SLC25A11: variants seen among roughly 807,000 people sequenced by gnomAD.
SLC25A11 encodes solute carrier family 25 member 11, also known as mitochondrial 2-oxoglutarate/malate carrier protein.
SLC25A11 carries 11 observed loss-of-function variants against 32.7 expected under a neutral mutation model. The observed-to-expected ratio is 0.34, with a 90% confidence interval of 0.21 to 0.56. SLC25A11 has a LOEUF of 0.56. Among genes scored for constraint, SLC25A11 ranks in the 20% least tolerant of loss-of-function variants. The probability of loss-of-function intolerance (pLI) is 0.90; values close to 1 mark genes in which losing one functional copy is unlikely to be tolerated. For synonymous variants in SLC25A11, 163 were observed against 168.3 expected (o/e 0.97, Z 0.24); for missense variants, 295 against 426.3 (o/e 0.69, Z 2.71).
Position 4,939,490 on chromosome 17 carries a change from G to C in SLC25A11, c.96-278C>G, listed in dbSNP as rs1455835197. 1.7e-6 allele frequency: 1 copy of C among 576,472 alleles called. No homozygotes were observed. The highest frequency in any genetic ancestry group is 3.1e-6 in the Non-Finnish European group (1 of 325,942). 35.7% of individuals were successfully genotyped at this position (576,472 alleles called of 1,614,324 possible). A position where few individuals can be genotyped will look rare whatever the true frequency, so the allele number is the denominator to read the frequency against. On this transcript the variant is annotated intron_variant, in intron 1 of 7. Coordinates refer to ENST00000225665, the MANE Select transcript of SLC25A11 (RefSeq NM_003562.5). The surrounding 1 kb of genome is among the most constrained non-coding windows in gnomAD (Gnocchi z 4.1). Reference sequence around the variant, plus strand: ...CTGCACGCAGTCCGACACAGGGAGGGGAGGAAGGGGCATCCAAGATTTAGG... The same window carrying C: ...CTGCACGCAGTCCGACACAGGGAGGCGAGGAAGGGGCATCCAAGATTTAGG...
In SLC25A11 at chr17:4,938,527, G is replaced by A. The variant is rs749855775; in HGVS notation, c.531C>T (p.Val177=). Residue 177 remains valine (V), a synonymous_variant, in exon 4 of 8, where the codon GTC becomes GTT. Transcript: ENST00000225665. The surrounding 1 kb of genome is among the most constrained non-coding windows in gnomAD (Gnocchi z 7.6). ...ALIRITREEG[V]LTLWRGCIPT... ...CTCCACTCACCCGCCACAGTGTGAG[G>A]ACACCCTCTTCCCGGGTGATTCGAA... 8 of 1,613,918 alleles carry A rather than the reference G, an allele frequency of 5.0e-6. No homozygotes were observed. The African/African-American group carries it at 1.1e-4, about 22-fold the overall frequency.
intron 7 of SLC25A11, 21 bp from the exon 8 acceptor site, chr17:4,937,917 C>A: frequency 1.9e-6 from 3 of 1,611,936 alleles, no homozygotes; most frequent in Non-Finnish European, 2.5e-6. Context: ...ACAGGCAGGG[C>A]GCTGGGGCTA....
rs770557214 is a variant in SLC25A11, at chr17:4,937,910, G to A, written c.790-14C>T. On this transcript the variant is annotated splice_polypyrimidine_tract_variant and intron_variant, in intron 7 of 7. Transcript: ENST00000225665. The stretch of plus-strand genomic sequence containing the variant: ...GAACAGCACGTCCTAGACACAGACA[G>A]GCAGGGCGCTGGGGCTAGGACTCTA... 1 of 1,612,632 alleles carries A rather than the reference G, an allele frequency of 6.2e-7. No individual in the cohort carries two copies. The highest frequency in any genetic ancestry group is 8.5e-7 in the Non-Finnish European group (1 of 1,179,138).
Position 4,938,495 on chromosome 17 carries a change from C to A in SLC25A11, c.546+17G>T. On this transcript the variant is annotated intron_variant, in intron 4 of 7. Transcript: ENST00000225665. This position sits in a 1 kb window ranked among gnomAD's most constrained non-coding sequence, Gnocchi z 7.6. ...ACCAGACCTCACAGCCCCCAAGTCT[C>A]CAGCCCCTCCACTCACCCGCCACAG... 6.2e-7 allele frequency: 1 copy of A among 1,613,832 alleles called. No homozygotes were observed.
intron 7 of SLC25A11, 25 bp from the exon 8 acceptor site, chr17:4,937,921 G>A (rs1401388732): frequency 2.5e-6 from 4 of 1,612,452 alleles, no homozygotes; most frequent in Admixed American, 1.7e-5. Flanking sequence ...GCAGGGCGCT[G>A]GGGCTAGGAC....
rs760199122 is a variant in SLC25A11 at position 4,937,890 on chromosome 17, G to T, written c.796C>A (p.Leu266Met). 2.5e-6 allele frequency: 4 copies of T among 1,613,082 alleles called. No homozygotes were observed. Among genetic ancestry groups the T allele is most frequent in the Non-Finnish European group, 3.4e-6 (4 of 1,179,524 alleles). ...CCCTCGTAGCGGACAACTTTGAACA[G>T]CACGTCCTAGACACAGACAGGCAGG... is the stretch of plus-strand genomic sequence containing the variant. ...KPEYKNGLDV[L>M]FKVVRYEGFF... The change falls in exon 8 of 8, where the codon CTG (leucine) becomes ATG (methionine). Residue 266 changes from leucine to methionine, a missense_variant. Around this residue, in one of 3 missense-constraint regions of SLC25A11, gnomAD observed 142 missense variants for 197.8 expected, o/e 0.72. Transcript: ENST00000225665.
At position 4,938,939 on chromosome 17, in the gene SLC25A11, G is replaced by T. The variant is rs766437164; in HGVS notation, c.285C>A (p.Thr95=). ...SAGLLRQATY[T]TTRLGIYTVL... is the part of the protein sequence containing the mutation. ...CGGTATAGATGCCAAGGCGGGTAGT[G>T]GTGTAGGTGGCCTGACGCAGCAGGC... The change falls in exon 3 of 8, where the codon ACC becomes ACA. Residue 95 remains threonine (T), a synonymous_variant. Transcript: ENST00000225665. This position sits in a 1 kb window ranked among gnomAD's most constrained non-coding sequence, Gnocchi z 7.6. 49 of 1,614,154 alleles carry T rather than the reference G, an allele frequency of 3.0e-5. No individual in the cohort carries two copies. The highest frequency in any genetic ancestry group is 4.1e-5 in the Non-Finnish European group (48 of 1,180,034).
rs2151112753 is a variant in SLC25A11, at chr17:4,939,446, G to A, written c.96-234C>T. 3 of 593,378 alleles carry A rather than the reference G, an allele frequency of 5.1e-6. No homozygotes were observed. In the South Asian group the frequency reaches 6.3e-5, roughly 12 times the overall value. The allele number at this position is 593,378 out of a possible 1,614,324, so 36.8% of individuals were successfully genotyped here. A position where few individuals can be genotyped will look rare whatever the true frequency, so the allele number is the denominator to read the frequency against. On this transcript the variant is annotated intron_variant, in intron 1 of 7. Coordinates refer to ENST00000225665, the MANE Select transcript of SLC25A11 (RefSeq NM_003562.5). This position sits in a 1 kb window ranked among gnomAD's most constrained non-coding sequence, Gnocchi z 4.1. Reference sequence around the variant, plus strand: ...AAGTGCTCCAAGCAGCTTCATGACAGTCAAGCAGTGACCTGGGGCTGCACG... The same window carrying A: ...AAGTGCTCCAAGCAGCTTCATGACAATCAAGCAGTGACCTGGGGCTGCACG...
chr17:4,938,118 C>T lies in SLC25A11; in HGVS notation c.737+36G>A. On this transcript the variant is annotated intron_variant, in intron 6 of 7. Coordinates refer to ENST00000225665, the MANE Select transcript of SLC25A11 (RefSeq NM_003562.5). This position sits in a 1 kb window ranked among gnomAD's most constrained non-coding sequence, Gnocchi z 7.6. ...GGGCATGAGAGACCGAAAGGGCACC[C>T]TCCCACCCACCTCCAGGCCCAGGCT... 6.2e-7 allele frequency: 1 copy of T among 1,614,100 alleles called. No homozygotes were observed. The highest frequency in any genetic ancestry group is 1.1e-5 in the South Asian group (1 of 91,088).
chr17:4,939,451 G>T lies in SLC25A11; in HGVS notation c.96-239C>A. The T allele has an allele frequency of 1.7e-6, 1 of 590,516 alleles. No individual in the cohort carries two copies. The highest frequency in any genetic ancestry group is 3.0e-6 in the Non-Finnish European group (1 of 333,918). The allele number at this position is 590,516 out of a possible 1,614,324, so 36.6% of individuals were successfully genotyped here. A position where few individuals can be genotyped will look rare whatever the true frequency, so the allele number is the denominator to read the frequency against. The stretch of plus-strand genomic sequence containing the variant: ...CTCCAAGCAGCTTCATGACAGTCAA[G>T]CAGTGACCTGGGGCTGCACGCAGTC... On this transcript the variant is annotated intron_variant, in intron 1 of 7. Transcript: ENST00000225665. The surrounding 1 kb of genome is among the most constrained non-coding windows in gnomAD (Gnocchi z 4.1).
In SLC25A11 at chr17:4,938,688, C is replaced by T; in HGVS notation, c.455+81G>A. On this transcript the variant is annotated intron_variant, in intron 3 of 7. Coordinates refer to ENST00000225665, the MANE Select transcript of SLC25A11 (RefSeq NM_003562.5). The surrounding 1 kb of genome is among the most constrained non-coding windows in gnomAD (Gnocchi z 7.6). Reference sequence around the variant, plus strand: ...GCCAGAACAGGTAAACACTCTGCTCCAGATCCGGGATAAAAAACTGGTCCT... The same window carrying T: ...GCCAGAACAGGTAAACACTCTGCTCTAGATCCGGGATAAAAAACTGGTCCT... 6.3e-7 allele frequency: 1 copy of T among 1,585,468 alleles called. No homozygotes were observed. The highest frequency in any genetic ancestry group is 8.7e-7 in the Non-Finnish European group (1 of 1,155,570).
chr17:4,937,930 A>G, intron 7 of SLC25A11, 34 bp from the exon 8 acceptor site: 1 of 1,611,864 alleles, frequency 6.2e-7, no homozygotes, highest in Non-Finnish European at 8.5e-7. Context: ...TGGGGCTAGG[A>G]CTCTAGGTCC....
chr17:4,937,865 C>A lies in SLC25A11; in HGVS notation c.821G>T (p.Gly274Val). 2.5e-6 allele frequency: 4 copies of A among 1,613,860 alleles called. No homozygotes were observed. The highest frequency in any genetic ancestry group is 3.4e-6 in the Non-Finnish European group (4 of 1,179,844). ...DVLFKVVRYE[G>V]FFSLWKGFTP... Reference sequence around the variant, plus strand: ...GAAGCCCTTCCACAGGCTGAAGAAGCCCTCGTAGCGGACAACTTTGAACAG... The same window carrying A: ...GAAGCCCTTCCACAGGCTGAAGAAGACCTCGTAGCGGACAACTTTGAACAG... The change falls in exon 8 of 8, where the codon GGC (glycine) becomes GTC (valine). Residue 274 changes from glycine to valine, a missense_variant. Coordinates refer to ENST00000225665, the MANE Select transcript of SLC25A11 (RefSeq NM_003562.5).
chr17:4,939,813 T>TA lies in SLC25A11; in HGVS notation c.95+2dup, dbSNP rs769048546. Reference sequence around the variant, plus strand: ...TTTTCCCATCCCTGGGGCCTGAGCTTACCCGGCCAGGCCCCCAAACAGGAA... The same window carrying TA: ...TTTTCCCATCCCTGGGGCCTGAGCTTAACCCGGCCAGGCCCCCAAACAGGAA... On this transcript the variant is annotated splice_region_variant and intron_variant, in intron 1 of 7. Transcript: ENST00000225665. This position sits in a 1 kb window ranked among gnomAD's most constrained non-coding sequence, Gnocchi z 4.1. 1.9e-6 allele frequency: 3 copies of TA among 1,608,738 alleles called. No homozygotes were observed. Among genetic ancestry groups the TA allele is most frequent in the Non-Finnish European group, 1.7e-6 (2 of 1,177,040 alleles).
Position 4,938,538 on chromosome 17 carries a change from C to T in SLC25A11, c.520G>A (p.Glu174Lys). The change falls in exon 4 of 8, where the codon GAA becomes AAA. Residue 174 changes from glutamate to lysine, a missense_variant. Glu to Lys is a moderately conservative substitution (Grantham distance 56). Coordinates refer to ENST00000225665, the MANE Select transcript of SLC25A11 (RefSeq NM_003562.5). The surrounding 1 kb of genome is among the most constrained non-coding windows in gnomAD (Gnocchi z 7.6). ...CGCCACAGTGTGAGGACACCCTCTT[C>T]CCGGGTGATTCGAATCAGGGCGTTA... Reference protein sequence around the residue: ...VFNALIRITREEGVLTLWRGC... With the variant: ...VFNALIRITRKEGVLTLWRGC... 6.2e-7 allele frequency: 1 copy of T among 1,614,144 alleles called. No individual in the cohort carries two copies. Among genetic ancestry groups the T allele is most frequent in the Non-Finnish European group, 8.5e-7 (1 of 1,179,974 alleles).
In SLC25A11 at chr17:4,939,926, C is replaced by T. The variant is rs1474913264; in HGVS notation, c.-16G>A. ...TCGCCGCCATCGCCACTCAATGGCC[C>T]TCGGCTCCGGGTCCCGTGCGCGCGC... is the stretch of plus-strand genomic sequence containing the variant. On this transcript the variant is annotated 5_prime_UTR_variant, in exon 1 of 8. Coordinates refer to ENST00000225665, the MANE Select transcript of SLC25A11 (RefSeq NM_003562.5). The surrounding 1 kb of genome is among the most constrained non-coding windows in gnomAD (Gnocchi z 4.1). 6.2e-7 allele frequency: 1 copy of T among 1,601,988 alleles called. No individual in the cohort carries two copies. Among genetic ancestry groups the T allele is most frequent in the Admixed American group, 1.7e-5 (1 of 59,078 alleles).
Position 4,938,211 on chromosome 17 carries a change from A to G in SLC25A11, c.680T>C (p.Met227Thr). Residue 227 changes from methionine to threonine, a missense_variant, in exon 6 of 8, where the codon ATG becomes ACG. By Grantham distance (81) the Met-to-Thr change is moderately conservative. Coordinates refer to ENST00000225665, the MANE Select transcript of SLC25A11 (RefSeq NM_003562.5). The surrounding 1 kb of genome is among the most constrained non-coding windows in gnomAD (Gnocchi z 7.6). Reference sequence around the variant, plus strand: ...AGCAGTGGTGACAAGACCGCTGATCATGCTGGCACAGAAGTGGCACAAGAT... The same window carrying G: ...AGCAGTGGTGACAAGACCGCTGATCGTGCTGGCACAGAAGTGGCACAAGAT... ...DNILCHFCAS[M>T]ISGLVTTAAS... 1.2e-6 allele frequency: 2 copies of G among 1,614,094 alleles called. No individual in the cohort carries two copies. Among genetic ancestry groups the G allele is most frequent in the Non-Finnish European group, 1.7e-6 (2 of 1,179,968 alleles).
chr17:4,938,263 G>A lies in SLC25A11; in HGVS notation c.638-10C>T, dbSNP rs992228473. On this transcript the variant is annotated splice_polypyrimidine_tract_variant and intron_variant, in intron 5 of 7. Coordinates refer to ENST00000225665, the MANE Select transcript of SLC25A11 (RefSeq NM_003562.5). The surrounding 1 kb of genome is among the most constrained non-coding windows in gnomAD (Gnocchi z 7.6). ...TTGTCAGAGAAGTAGCCTGGGGGAG[G>A]TGAGGCGGGGGTGGCAGTCAGCTCA... is the stretch of plus-strand genomic sequence containing the variant. The A allele has an allele frequency of 6.2e-7, 1 of 1,613,086 alleles. No homozygotes were observed. The highest frequency in any genetic ancestry group is 1.7e-5 in the Admixed American group (1 of 59,854).
rs1447177356 is a variant in SLC25A11 at position 4,939,508 on chromosome 17, GA to G, written c.96-297del. The G allele has an allele frequency of 3.5e-6, 2 of 575,630 alleles. No homozygotes were observed. Among genetic ancestry groups the G allele is most frequent in the African/African-American group, 1.9e-5 (1 of 53,404 alleles). The allele number at this position is 575,630 out of a possible 1,614,324, so 35.7% of individuals were successfully genotyped here. ...AGGGAGGGGAGGAAGGGGCATCCAA[GA>G]TTTAGGACTCCAGGTAGTCCTGCAG... On this transcript the variant is annotated intron_variant, in intron 1 of 7. Coordinates refer to ENST00000225665, the MANE Select transcript of SLC25A11 (RefSeq NM_003562.5). This position sits in a 1 kb window ranked among gnomAD's most constrained non-coding sequence, Gnocchi z 4.1.
Sources: allele counts gnomAD v4.1 joint callset, GRCh38; gene constraint gnomAD v4.1.1; regional missense constraint gnomAD v4.1.1; non-coding constraint Gnocchi (gnomAD v3.1); transcripts MANE v1.5; gene names NCBI Gene and HGNC (gene_info 2026-07-23, HGNC 2026-07-21).